The following FSIP1 variants were observed in gnomAD, a reference collection of about 807,000 sequenced individuals.
FSIP1 encodes the protein fibrous sheath interacting protein 1.
In FSIP1, 65 loss-of-function variants were observed where a neutral mutation model predicts 60.9. The ratio of observed to expected loss-of-function variants is 1.07; its 90% CI spans 0.87 to 1.31. The LOEUF is 1.31. Ranked by LOEUF, FSIP1 falls within the 40% of genes most tolerant of loss-of-function variation. The pLI is 0.00. For missense variants in FSIP1, 675 were observed against 665.5 expected, an observed-to-expected ratio of 1.01 and a Z score of -0.16; for synonymous variants, 209 against 221.2, an observed-to-expected ratio of 0.94 and a Z score of 0.49.
At chr15:39,652,872 A>T (rs1892928286) in intron 10 of FSIP1, among the ~76,000 whole-genome samples, 1 of 152,114 alleles carries the variant, frequency 6.6e-6, no homozygotes, top group South Asian at 2.1e-4. Context: ...TACAGTTAAA[A>T]ATATTTTTTT....
At chr15:39,682,769 G>A (rs745313416) in intron 10 of FSIP1, among the ~76,000 whole-genome samples, 5 of 152,128 alleles carry the variant, frequency 3.3e-5, no homozygotes, top group Admixed American at 2.6e-4. Context: ...CAAGACACCC[G>A]TATATTTTCT....
At chr15:39,780,624 T>G (rs1446247685) in intron 1 of FSIP1, among the ~76,000 whole-genome samples, 1 of 152,240 alleles carries the variant, frequency 6.6e-6, no homozygotes, top group African/African-American at 2.4e-5. Flanking sequence ...ATGCAGCACT[T>G]TTTTCATCAG....
At chr15:39,632,577 G>A (rs370411641) in intron 10 of FSIP1, among the ~76,000 whole-genome samples, 78 of 152,222 alleles carry the variant, frequency 5.1e-4, no homozygotes, top group Non-Finnish European at 6.8e-4. Flanking sequence ...GGTGGATCAC[G>A]AGGTCAGGAG....
intron 5 of FSIP1, among the ~76,000 whole-genome samples, chr15:39,747,037 C>CCTTCCCTCCTTCCCTCCTTCCA (rs1555397708): frequency 0.01 from 1,376 of 133,574 alleles, 14 homozygotes; most frequent in African/African-American, 0.035. Flanking sequence ...CCCTCCTTCC[C>CCTTCCCTCCTTCCCTCCTTCCA]TCCTTCCATT....
At chr15:39,674,229 T>C (rs1046298665) in intron 10 of FSIP1, among the ~76,000 whole-genome samples, 1 of 152,028 alleles carries the variant, frequency 6.6e-6, no homozygotes, top group Non-Finnish European at 1.5e-5. Flanking sequence ...TAATTTTTTG[T>C]AGTTTTAGTA....
At chr15:39,631,866 T>C (rs1287181736) in intron 10 of FSIP1, among the ~76,000 whole-genome samples, 1 of 152,246 alleles carries the variant, frequency 6.6e-6, no homozygotes, top group Non-Finnish European at 1.5e-5. Flanking sequence ...CCTTATTTAC[T>C]TTATTTAAAT....
At chr15:39,771,198 G>A (rs554541988) in intron 2 of FSIP1, among the ~76,000 whole-genome samples, 6 of 152,284 alleles carry the variant, frequency 3.9e-5, no homozygotes, top group East Asian at 1.9e-4. Flanking sequence ...CTCCATGGCC[G>A]GGTGAGGGAA....
chr15:39,606,745 G>A (rs570309219), intron 11 of FSIP1, among the ~76,000 whole-genome samples: 5 of 152,108 alleles, frequency 3.3e-5, no homozygotes, highest in South Asian at 4.2e-4. Flanking sequence ...TTTTGTGTCC[G>A]TTTTTGCCCT....
intron 10 of FSIP1, among the ~76,000 whole-genome samples, chr15:39,677,926 T>C (rs1004832227): frequency 5.9e-5 from 9 of 151,502 alleles, no homozygotes; most frequent in African/African-American, 2.2e-4. Context: ...AACCAGGGAG[T>C]TGGAGGTTGC....
chr15:39,750,289 T>C (rs1897125554), intron 5 of FSIP1, among the ~76,000 whole-genome samples: 1 of 151,746 alleles, frequency 6.6e-6, no homozygotes, highest in African/African-American at 2.4e-5. Flanking sequence ...GCAATAGAAG[T>C]CCTAAACTTC....
chr15:39,727,809 AT>A (rs1254325602), intron 8 of FSIP1, among the ~76,000 whole-genome samples: 1 of 152,248 alleles, frequency 6.6e-6, no homozygotes, highest in Non-Finnish European at 1.5e-5. Context: ...GAGAAAAAAA[AT>A]AAAAGGCATT....
At chr15:39,643,307 T>C (rs1892455067) in intron 10 of FSIP1, among the ~76,000 whole-genome samples, 1 of 152,222 alleles carries the variant, frequency 6.6e-6, no homozygotes, top group African/African-American at 2.4e-5. Flanking sequence ...AGAAGTTTGT[T>C]TCCTTCTTAC....
At position 39,600,196 on chromosome 15, in the gene FSIP1, C is replaced by A. The variant is rs527788275; in HGVS notation, c.*684G>T. 6.6e-6 allele frequency: 1 copy of A among 152,364 alleles called. No homozygotes were observed. Among genetic ancestry groups the A allele is most frequent in the East Asian group, 1.9e-4 (1 of 5,192 alleles). The allele number at this position is 152,364 out of a possible 1,614,324, so 9.4% of individuals were successfully genotyped here. A position where few individuals can be genotyped will look rare whatever the true frequency, so the allele number is the denominator to read the frequency against. Reference sequence around the variant, plus strand: ...TTACTGACTTGTAACTAAACCATCTCTCTTCAAATAGTACCGCAGACTGTC... The same window carrying A: ...TTACTGACTTGTAACTAAACCATCTATCTTCAAATAGTACCGCAGACTGTC... On this transcript the variant is annotated 3_prime_UTR_variant, in exon 12 of 12. Transcript: ENST00000350221.
intron 10 of FSIP1, among the ~76,000 whole-genome samples, chr15:39,632,661 C>T (rs897562035): frequency 6.6e-6 from 1 of 152,050 alleles, no homozygotes; most frequent in Non-Finnish European, 1.5e-5. Context: ...GGCATGGTGA[C>T]GTGTGCCTGT....
intron 10 of FSIP1, among the ~76,000 whole-genome samples, chr15:39,619,288 T>C (rs1287922978): frequency 1.3e-5 from 2 of 152,216 alleles, no homozygotes; most frequent in Non-Finnish European, 1.5e-5. Flanking sequence ...AAAACAATTT[T>C]GTGCCATGTT....
chr15:39,721,220 C>T (rs1166296833), intron 9 of FSIP1, among the ~76,000 whole-genome samples: 1 of 152,220 alleles, frequency 6.6e-6, no homozygotes, highest in African/African-American at 2.4e-5. Flanking sequence ...GACTCAACCA[C>T]ATTTATCATC....
At chr15:39,718,209 T>C (rs1895817449) in intron 9 of FSIP1, among the ~76,000 whole-genome samples, 1 of 152,068 alleles carries the variant, frequency 6.6e-6, no homozygotes, top group Non-Finnish European at 1.5e-5. Context: ...AACATAGATA[T>C]ATACATAGAT....
At chr15:39,664,736 C>T (rs139046112) in intron 10 of FSIP1, among the ~76,000 whole-genome samples, 1 of 152,086 alleles carries the variant, frequency 6.6e-6, no homozygotes, top group East Asian at 1.9e-4. Flanking sequence ...GTCCCTTTGC[C>T]CCCTCCTATT....
chr15:39,667,424 GC>G (rs1203101728), intron 10 of FSIP1, among the ~76,000 whole-genome samples: 2 of 152,124 alleles, frequency 1.3e-5, no homozygotes, highest in African/African-American at 2.4e-5. Flanking sequence ...ATCCTTAGAT[GC>G]CCCCAGGAGT....
Sources: gnomAD v4.1 joint callset for allele counts (sites outside exome capture counted in the v4.1 genomes callset) on GRCh38, gnomAD v4.1.1 for gene constraint, MANE v1.5 for transcripts, NCBI Gene and HGNC (gene_info 2026-07-23, HGNC 2026-07-21) for gene names.